ASB6: variants seen among roughly 807,000 people sequenced by gnomAD.
ASB6 encodes ankyrin repeat and SOCS box containing 6.
A neutral mutation model predicts 28.6 loss-of-function variants in ASB6; 24 were observed. The ratio of observed to expected loss-of-function variants is 0.84; its 90% confidence interval spans 0.61 to 1.18. The LOEUF is 1.18. Among genes scored for constraint, ASB6 ranks in the 50% most tolerant of loss-of-function variants. The probability of loss-of-function intolerance (pLI) is 0.00; values close to 1 mark genes in which losing one functional copy is unlikely to be tolerated. For missense variants in ASB6, 519 were observed against 559.8 expected (o/e 0.93, Z 0.74); for synonymous variants, 267 against 243.4 (o/e 1.10, Z -0.90).
Position 129,641,898 on chromosome 9 carries a change from C to T in ASB6, c.102G>A (p.Glu34=), listed in dbSNP as rs745503806. 1.3e-6 allele frequency: 2 copies of T among 1,598,742 alleles called. No homozygotes were observed. The highest frequency in any genetic ancestry group is 1.7e-6 in the Non-Finnish European group (2 of 1,173,866). The change falls in exon 1 of 6, where the codon GAG becomes GAA. Residue 34 remains glutamate (E), a synonymous_variant. Transcript: ENST00000277458. The part of the protein sequence containing the change: ...SLGIQDPERQ[E]SLDRPSYVAS... ...AGGGGGTGAGTTACCGGTCCAGAGA[C>T]TCCTGCCGCTCGGGGTCCTGGATCC...
rs769357658 is a variant in ASB6, at chr9:129,641,901, C to G, written c.99G>C (p.Gln33His). The G allele has an allele frequency of 1.3e-6, 2 of 1,599,302 alleles. No individual in the cohort carries two copies. The highest frequency in any genetic ancestry group is 1.1e-5 in the South Asian group (1 of 88,980). Residue 33 changes from glutamine (Q) to histidine (H), a missense_variant, in exon 1 of 6, where the codon CAG becomes CAC. By Grantham distance (24) the Gln-to-His change is conservative (BLOSUM62 0). Coordinates refer to ENST00000277458, the MANE Select transcript of ASB6 (RefSeq NM_017873.4). ...GSLGIQDPERQESLDRPSYVA... is the reference protein window; with the variant it reads ...GSLGIQDPERHESLDRPSYVA... ...GGGTGAGTTACCGGTCCAGAGACTC[C>G]TGCCGCTCGGGGTCCTGGATCCCCA...
intron 4 of ASB6, 82 bp downstream of exon 4, chr9:129,639,120 C>G: frequency 2.9e-6 from 4 of 1,362,768 alleles, no homozygotes; most frequent in Non-Finnish European, 4.0e-6. Context: ...GCCCACCTAG[C>G]TGTTGTCCTG....
At position 129,637,592 on chromosome 9, in the gene ASB6, GTC is replaced by G. The variant is rs1029438199; in HGVS notation, c.*196_*197del. The G allele has an allele frequency of 3.8e-5, 17 of 449,648 alleles. No homozygotes were observed. Among genetic ancestry groups the G allele is most frequent in the African/African-American group, 1.8e-4 (9 of 49,760 alleles). 27.9% of individuals were successfully genotyped at this position (449,648 alleles called of 1,614,324 possible). ...GAGTGCCGCTGGAGGGAAGGGGGCA[GTC>G]TCTCTGGAAGAACCAGAGCTGCACC... On this transcript the variant is annotated 3_prime_UTR_variant, in exon 6 of 6. Coordinates refer to ENST00000277458, the MANE Select transcript of ASB6 (RefSeq NM_017873.4).
At position 129,639,011 on chromosome 9, in the gene ASB6, G is replaced by A. The variant is rs527733370; in HGVS notation, c.511+191C>T. 9.6e-4 allele frequency among the ~76,000 whole-genome samples: 146 copies of A among 152,362 alleles called. 1 individual carries two copies. The highest frequency in any genetic ancestry group is 6.8e-3 in the Middle Eastern group (2 of 294). ...CCTTGAGGGCCAGCACAGGGACAAT[G>A]ACTGCACTGCCTCTCTGAAGCCTCT... On this transcript the variant is annotated intron_variant, in intron 4 of 5. Coordinates refer to ENST00000277458, the MANE Select transcript of ASB6 (RefSeq NM_017873.4).
In ASB6 at chr9:129,637,527, A is replaced by G. The variant is rs957480532; in HGVS notation, c.*263T>C. ...TCCAATTCAGAGGGTATAAACATCAATCCAAGCCCTGTTCCTCTTTCCAAC... is the reference window on the plus strand; with the variant it reads ...TCCAATTCAGAGGGTATAAACATCAGTCCAAGCCCTGTTCCTCTTTCCAAC... On this transcript the variant is annotated 3_prime_UTR_variant, in exon 6 of 6. Coordinates refer to ENST00000277458, the MANE Select transcript of ASB6 (RefSeq NM_017873.4). The G allele has an allele frequency of 7.2e-5, 25 of 347,988 alleles. No individual in the cohort carries two copies. The highest frequency in any genetic ancestry group is 1.8e-4 in the East Asian group (4 of 22,606). 21.6% of individuals were successfully genotyped at this position (347,988 alleles called of 1,614,324 possible).
At chr9:129,640,816 T>G (rs751166503) in intron 1 of ASB6, 94 bp from the exon 2 acceptor site, 672 of 1,458,102 alleles carry the variant, frequency 4.6e-4, no homozygotes, top group Non-Finnish European at 6.0e-4. Context: ...GCTATCATCA[T>G]CAGCAAGCAG....
chr9:129,639,278 G>C lies in ASB6; in HGVS notation c.435C>G (p.Ser145Arg). 3 of 1,612,892 alleles carry C rather than the reference G, an allele frequency of 1.9e-6. No homozygotes were observed. The highest frequency in any genetic ancestry group is 1.3e-5 in the African/African-American group (1 of 75,046). The change falls in exon 4 of 6, where the codon AGC (serine) becomes AGG (arginine). Residue 145 changes from serine (S) to arginine (R), a missense_variant. Ser to Arg is a moderately radical substitution (Grantham distance 110). Coordinates refer to ENST00000277458, the MANE Select transcript of ASB6 (RefSeq NM_017873.4). ...IHESSPLDLA[S>R]EEPERLPCLQ... The stretch of plus-strand genomic sequence containing the variant: ...GGCAGGGCAGGCGCTCAGGCTCCTC[G>C]CTGGCCAGGTCCAAGGGGCTACTCT...
chr9:129,638,103 C>T lies in ASB6; in HGVS notation c.953G>A (p.Ser318Asn). The part of the protein sequence containing the change: ...CSHPGCTEDE[S>N]HADLLRKAET... ...AGCTTTGCGCAGGAGGTCCGCATGGCTCTCGTCTTCCGTGCAGCCTGGGTG... is the reference window on the plus strand; with the variant it reads ...AGCTTTGCGCAGGAGGTCCGCATGGTTCTCGTCTTCCGTGCAGCCTGGGTG... Residue 318 changes from serine to asparagine, a missense_variant, in exon 6 of 6, where the codon AGC becomes AAC. By Grantham distance (46) the Ser-to-Asn change is conservative. Transcript: ENST00000277458. The T allele has an allele frequency of 6.2e-7, 1 of 1,614,188 alleles. No individual in the cohort carries two copies. The highest frequency in any genetic ancestry group is 8.5e-7 in the Non-Finnish European group (1 of 1,180,042).
At chr9:129,640,850 G>A (rs1004658186) in intron 1 of ASB6, 128 bp from the exon 2 acceptor site, 28 of 1,120,156 alleles carry the variant, frequency 2.5e-5, no homozygotes, top group Non-Finnish European at 3.5e-5. Flanking sequence ...TGGGTCACAG[G>A]GGCTTGGGGG....
chr9:129,638,323 G>A lies in ASB6; in HGVS notation c.733C>T (p.Leu245=), dbSNP rs765961423. The change falls in exon 6 of 6, where the codon CTG becomes TTG. Residue 245 remains leucine, a synonymous_variant. Transcript: ENST00000277458. ...GGGTCGGCCCCGTGTGCCAGCAGCA[G>A]CCGTGTGACTTGGAAGCAGAAGCGG... ...INRFCFQVTR[L]LLAHGADPSE... 6.4e-5 allele frequency: 103 copies of A among 1,612,918 alleles called. 1 individual carries two copies. The Middle Eastern group carries it at 1.2e-3, about 18-fold the overall frequency.
chr9:129,639,713 C>T (rs1831647022), intron 2 of ASB6, among the ~76,000 whole-genome samples: 1 of 152,252 alleles, frequency 6.6e-6, no homozygotes, highest in Non-Finnish European at 1.5e-5. Context: ...GCTACTGAAG[C>T]TGTTGGGGGC....
rs765687757 is a variant in ASB6, at chr9:129,635,205, C to T, written c.*2585G>A. ...CTGGTAACCTTGCCTCTGCCCTCCCCAGGCCACCTCACCGATCAGCACCTG... is the reference window on the plus strand; with the variant it reads ...CTGGTAACCTTGCCTCTGCCCTCCCTAGGCCACCTCACCGATCAGCACCTG... On this transcript the variant is annotated 3_prime_UTR_variant, in exon 6 of 6. Transcript: ENST00000277458. 5.0e-6 allele frequency: 8 copies of T among 1,606,276 alleles called. No homozygotes were observed. Among genetic ancestry groups the T allele is most frequent in the Non-Finnish European group, 5.9e-6 (7 of 1,178,850 alleles).
At position 129,640,713 on chromosome 9, in the gene ASB6, A is replaced by G. The variant is rs781466717; in HGVS notation, c.123T>C (p.Tyr41=). 3.1e-6 allele frequency: 5 copies of G among 1,613,908 alleles called. No individual in the cohort carries two copies. The highest frequency in any genetic ancestry group is 4.2e-6 in the Non-Finnish European group (5 of 1,180,002). Residue 41 remains tyrosine, a synonymous_variant, in exon 2 of 6, where the codon TAT becomes TAC. Coordinates refer to ENST00000277458, the MANE Select transcript of ASB6 (RefSeq NM_017873.4). ...GGATTCGGCTCTCCTCGCTGGCGAC[A>G]TAACTGGGCCTGGGACAGGAGAGAG... ...ERQESLDRPS[Y]VASEESRILV... is the part of the protein sequence containing the mutation.
At position 129,637,104 on chromosome 9, in the gene ASB6, G is replaced by A. The variant is rs1190408425; in HGVS notation, c.*686C>T. ...TTCAGAGAGGTCTGTCCCCAGCCACGCACTCATGATTGCTTTTTAGCAGAA... is the reference window on the plus strand; with the variant it reads ...TTCAGAGAGGTCTGTCCCCAGCCACACACTCATGATTGCTTTTTAGCAGAA... On this transcript the variant is annotated 3_prime_UTR_variant, in exon 6 of 6. Coordinates refer to ENST00000277458, the MANE Select transcript of ASB6 (RefSeq NM_017873.4). The A allele has an allele frequency of 6.6e-6, 1 of 152,122 alleles. No homozygotes were observed. The highest frequency in any genetic ancestry group is 1.9e-4 in the East Asian group (1 of 5,190). The allele number at this position is 152,122 out of a possible 1,614,324, so 9.4% of individuals were successfully genotyped here. A position where few individuals can be genotyped will look rare whatever the true frequency, so the allele number is the denominator to read the frequency against.
chr9:129,637,624 A>G lies in ASB6; in HGVS notation c.*166T>C. On this transcript the variant is annotated 3_prime_UTR_variant, in exon 6 of 6. Transcript: ENST00000277458. ...TGGAAGAACCAGAGCTGCACCCTTC[A>G]CCACTGGAGTGATCACAGCTTCAGG... 1 of 598,512 alleles carries G rather than the reference A, an allele frequency of 1.7e-6. No individual in the cohort carries two copies. Among genetic ancestry groups the G allele is most frequent in the Non-Finnish European group, 2.6e-6 (1 of 383,996 alleles). 37.1% of individuals were successfully genotyped at this position (598,512 alleles called of 1,614,324 possible).
In ASB6 at chr9:129,638,081, T is replaced by C; in HGVS notation, c.975A>G (p.Lys325=). ...CCATGAGATCCAGGACAGTCTCAGC[T>C]TTGCGCAGGAGGTCCGCATGGCTCT... is the stretch of plus-strand genomic sequence containing the variant. ...EDESHADLLR[K]AETVLDLMVT... is the part of the protein sequence containing the mutation. Residue 325 remains lysine, a synonymous_variant, in exon 6 of 6, where the codon AAA becomes AAG. Coordinates refer to ENST00000277458, the MANE Select transcript of ASB6 (RefSeq NM_017873.4). 1 of 1,614,180 alleles carries C rather than the reference T, an allele frequency of 6.2e-7. No homozygotes were observed. The highest frequency in any genetic ancestry group is 2.2e-5 in the East Asian group (1 of 44,888).
intron 1 of ASB6, among the ~76,000 whole-genome samples, chr9:129,641,464 C>G (rs904889815): frequency 6.6e-6 from 1 of 152,214 alleles, no homozygotes; most frequent in African/African-American, 2.4e-5. Context: ...CGCTCCCGAC[C>G]CCTTTCCTGC....
chr9:129,641,778 C>A, intron 1 of ASB6, 109 bp downstream of exon 1: 1 of 1,174,228 alleles, frequency 8.5e-7, no homozygotes, highest in Non-Finnish European at 1.1e-6. Flanking sequence ...TCCGCCCGTC[C>A]CTTCCTCTGT....
chr9:129,641,811 C>T, intron 1 of ASB6, 76 bp downstream of exon 1: 2 of 1,404,238 alleles, frequency 1.4e-6, no homozygotes, highest in South Asian at 2.7e-5. Context: ...ATCCACCCCG[C>T]CCGGCTTGTG....
Sources: gnomAD v4.1 joint callset for allele counts (sites outside exome capture counted in the v4.1 genomes callset) on GRCh38, gnomAD v4.1.1 for gene constraint, MANE v1.5 for transcripts, NCBI Gene and HGNC (gene_info 2026-07-23, HGNC 2026-07-21) for gene names.